CTNNA2: variants seen among roughly 807,000 people sequenced by gnomAD.
CTNNA2 encodes catenin alpha 2.
Under a neutral mutation model 101.0 loss-of-function variants are expected in CTNNA2, and 42 were observed. The observed-to-expected ratio is 0.42, with a 90% CI of 0.32 to 0.54. The LOEUF is 0.54. Ranked by LOEUF, CTNNA2 falls within the 20% of genes least tolerant of loss-of-function variation. The pLI is 0.14. For synonymous variants in CTNNA2, 450 were observed against 456.4 expected, an observed-to-expected ratio of 0.99 and a Z score of 0.18; for missense variants, 871 against 1,223.1, an observed-to-expected ratio of 0.71 and a Z score of 4.29.
intron 9 of CTNNA2, among the ~76,000 whole-genome samples, chr2:80,436,010 A>G (rs1457722755): frequency 6.6e-6 from 1 of 152,172 alleles, no homozygotes; most frequent in Non-Finnish European, 1.5e-5. Context: ...AAATGAAAAG[A>G]TAGTAAGAAT....
intron 7 of CTNNA2, among the ~76,000 whole-genome samples, chr2:79,971,254 C>T (rs1690458904): frequency 6.6e-6 from 1 of 152,168 alleles, no homozygotes; most frequent in African/African-American, 2.4e-5. Flanking sequence ...TCACCTTCCA[C>T]TCAAAAATAT....
intron 3 of CTNNA2, among the ~76,000 whole-genome samples, chr2:79,855,775 G>A (rs1475804438): frequency 2.6e-5 from 4 of 152,138 alleles, no homozygotes; most frequent in African/African-American, 9.7e-5. Context: ...TTGAATAAGT[G>A]GATCTATTTC....
chr2:79,796,449 T>C (rs920263450), intron 3 of CTNNA2, among the ~76,000 whole-genome samples: 1 of 148,832 alleles, frequency 6.7e-6, no homozygotes, highest in Non-Finnish European at 1.5e-5. Flanking sequence ...GATATAAATA[T>C]ATGCCTACAA....
At chr2:79,795,511 A>G (rs1675628561) in intron 3 of CTNNA2, among the ~76,000 whole-genome samples, 1 of 152,090 alleles carries the variant, frequency 6.6e-6, no homozygotes, top group Non-Finnish European at 1.5e-5. Flanking sequence ...TAAATATTAC[A>G]TTTTTAAATC....
intron 2 of CTNNA2, among the ~76,000 whole-genome samples, chr2:79,709,059 T>G (rs1685575160): frequency 6.6e-6 from 1 of 152,198 alleles, no homozygotes; most frequent in Non-Finnish European, 1.5e-5. Flanking sequence ...GGAATAAAAT[T>G]GAAAAGTAAG....
chr2:79,489,525 AAGC>A (rs1671189475), intron 4 of CTNNA2, among the ~76,000 whole-genome samples: 1 of 152,202 alleles, frequency 6.6e-6, no homozygotes, highest in Non-Finnish European at 1.5e-5. Context: ...GCTTTCTGGT[AAGC>A]AGGGCTTGGA....
intron 4 of CTNNA2, among the ~76,000 whole-genome samples, chr2:79,504,570 G>A (rs541189978): frequency 2.0e-5 from 3 of 152,112 alleles, no homozygotes; most frequent in East Asian, 1.9e-4. Flanking sequence ...GATTACATCC[G>A]TGAGCCACCG....
intron 2 of CTNNA2, among the ~76,000 whole-genome samples, chr2:79,696,944 C>G (rs147722948): frequency 1.6e-4 from 25 of 152,058 alleles, no homozygotes; most frequent in African/African-American, 5.5e-4. Context: ...GCTATCTCTT[C>G]TAATCCATTT....
chr2:80,001,364 T>C (rs511200), intron 7 of CTNNA2, among the ~76,000 whole-genome samples: 21,968 of 152,230 alleles, frequency 0.14, 1,770 homozygotes, highest in Middle Eastern at 0.22. Context: ...CATTCTATTA[T>C]TTTCTTTTGA....
At chr2:79,470,400 G>T (rs1670985365) in intron 4 of CTNNA2, among the ~76,000 whole-genome samples, 1 of 152,112 alleles carries the variant, frequency 6.6e-6, no homozygotes, top group African/African-American at 2.4e-5. Flanking sequence ...GTAGCCCAGA[G>T]GTAATATGAA....
intron 7 of CTNNA2, among the ~76,000 whole-genome samples, chr2:79,965,347 A>G (rs1387370854): frequency 6.6e-6 from 1 of 152,250 alleles, no homozygotes; most frequent in African/African-American, 2.4e-5. Context: ...TATGTGGGTC[A>G]GAATTCTCTC....
chr2:79,690,723 G>A (rs183106021), intron 2 of CTNNA2, among the ~76,000 whole-genome samples: 11 of 152,076 alleles, frequency 7.2e-5, no homozygotes, highest in Admixed American at 5.2e-4. Flanking sequence ...AACAGGTGGT[G>A]GAGCGAGGAT....
Position 79,707,759 on chromosome 2 carries a change from G to C in CTNNA2, c.103-36628G>C, listed in dbSNP as rs578046272. On this transcript the variant is annotated intron_variant, in intron 2 of 18. Coordinates refer to ENST00000402739, the MANE Select transcript of CTNNA2 (RefSeq NM_001282597.3). ...TCTTCCTCCCCACCACACCCATCCT[G>C]ATAACATCATCCAGTGAGGTCGTGG... Among the ~76,000 whole-genome samples the C allele has an allele frequency of 2.4e-4, 36 of 152,240 alleles. No individual in the cohort carries two copies. The South Asian group carries it at 6.8e-3, about 29-fold the overall frequency.
At chr2:79,517,728 C>T (rs570415542) in intron 1 of CTNNA2, among the ~76,000 whole-genome samples, 1 of 152,242 alleles carries the variant, frequency 6.6e-6, no homozygotes, top group East Asian at 1.9e-4. Context: ...GCATTATATA[C>T]CTCTTTGAAA....
intron 7 of CTNNA2, among the ~76,000 whole-genome samples, chr2:80,278,151 A>G (rs1198761720): frequency 6.6e-6 from 1 of 152,116 alleles, no homozygotes; most frequent in Non-Finnish European, 1.5e-5. Flanking sequence ...TCCCTCATAG[A>G]GTATGGTAAA....
rs1172516263 is a variant in CTNNA2 at position 80,302,243 on chromosome 2, T to C, written c.1057-90968T>C. The C allele has an allele frequency of 1.2e-6, 2 of 1,610,176 alleles. No individual in the cohort carries two copies. Among genetic ancestry groups the C allele is most frequent in the Non-Finnish European group, 1.7e-6 (2 of 1,178,112 alleles). ...TGGTAGCGCATGGGTTGAGAGCCAC[T>C]GGGACAATCACACCTCGCATTCCCT... is the stretch of plus-strand genomic sequence containing the variant. On this transcript the variant is annotated intron_variant, in intron 7 of 18. Transcript: ENST00000402739. The surrounding 1 kb of genome is among the most constrained non-coding windows in gnomAD (Gnocchi z 6.4).
chr2:80,558,145 A>AT, intron 12 of CTNNA2, among the ~76,000 whole-genome samples: 1 of 152,328 alleles, frequency 6.6e-6, no homozygotes, highest in Middle Eastern at 3.4e-3. Context: ...AATTGAAAAT[A>AT]TAGGAATAAG....
At chr2:80,105,518 G>A (rs1043343982) in intron 7 of CTNNA2, among the ~76,000 whole-genome samples, 3 of 152,118 alleles carry the variant, frequency 2.0e-5, no homozygotes, top group African/African-American at 4.8e-5. Flanking sequence ...GAGACCAGGA[G>A]TTCGAGACCA....
chr2:79,295,229 G>A (rs777165075), intron 2 of CTNNA2, among the ~76,000 whole-genome samples: 11 of 151,886 alleles, frequency 7.2e-5, no homozygotes, highest in East Asian at 1.9e-4. Context: ...CCTATACTTC[G>A]GCAGATAACC....
Sources: allele counts gnomAD v4.1 joint callset (sites outside exome capture counted in the v4.1 genomes callset), GRCh38; gene constraint gnomAD v4.1.1; non-coding constraint Gnocchi (gnomAD v3.1); transcripts MANE v1.5; gene names NCBI Gene and HGNC (gene_info 2026-07-23, HGNC 2026-07-21).